IL2RA: variants seen among roughly 807,000 people sequenced by gnomAD.
IL2RA encodes interleukin 2 receptor subunit alpha, also known as interleukin-2 receptor subunit alpha.
Under a neutral mutation model 37.8 loss-of-function variants are expected in IL2RA, and 24 were observed. The observed-to-expected ratio is 0.63, with a 90% confidence interval of 0.46 to 0.89. The LOEUF (loss-of-function observed/expected upper bound fraction) is 0.89, where lower values mean the gene tolerates loss of function less well. Ranked by LOEUF, IL2RA falls within the 40% of genes least tolerant of loss-of-function variation. The pLI, the probability that IL2RA is intolerant of heterozygous loss-of-function variation, is 0.00. For synonymous variants in IL2RA, 125 were observed against 114.6 expected, an observed-to-expected ratio of 1.09 and a Z score of -0.58; for missense variants, 319 against 348.6, an observed-to-expected ratio of 0.92 and a Z score of 0.68.
At chr10:6,052,287 G>T (rs1472268314) in intron 1 of IL2RA, among the ~76,000 whole-genome samples, 1 of 152,068 alleles carries the variant, frequency 6.6e-6, no homozygotes, top group Non-Finnish European at 1.5e-5. Flanking sequence ...GATGTGCTGG[G>T]TTTTGCAGGG....
rs75103865 is a variant in IL2RA, at chr10:6,046,111, G to A, written c.64+15977C>T. On this transcript the variant is annotated intron_variant, in intron 1 of 7. Transcript: ENST00000379959. This position sits in a 1 kb window ranked among gnomAD's most constrained non-coding sequence, Gnocchi z 4.8. ...CTCTGCCCTGCTCCTCACCCATCTC[G>A]CAGGGGAACCTCTTGTACCCCTTTT... 1.2e-4 allele frequency among the ~76,000 whole-genome samples: 19 copies of A among 152,202 alleles called. No homozygotes were observed. The highest frequency in any genetic ancestry group is 1.6e-4 in the Non-Finnish European group (11 of 68,006).
Position 6,036,901 on chromosome 10 carries a change from C to T in IL2RA, c.65-10876G>A, listed in dbSNP as rs553557500. On this transcript the variant is annotated intron_variant, in intron 1 of 7. Transcript: ENST00000379959. The surrounding 1 kb of genome is among the most constrained non-coding windows in gnomAD (Gnocchi z 6.1). Reference sequence around the variant, plus strand: ...CGCAGCAGCGTGTGTGCAGAGCCCCCGGGATCTTGCAGACTGGGATTTGTC... The same window carrying T: ...CGCAGCAGCGTGTGTGCAGAGCCCCTGGGATCTTGCAGACTGGGATTTGTC... Among the ~76,000 whole-genome samples the T allele has an allele frequency of 3.9e-5, 6 of 152,232 alleles. No individual in the cohort carries two copies. The highest frequency in any genetic ancestry group is 4.8e-5 in the African/African-American group (2 of 41,522).
rs982967349 is a variant in IL2RA, at chr10:6,022,334, G to A, written c.368-641C>T. Among the ~76,000 whole-genome samples, 3 of 152,118 alleles carry A rather than the reference G, an allele frequency of 2.0e-5. No individual in the cohort carries two copies. Among genetic ancestry groups the A allele is most frequent in the African/African-American group, 7.2e-5 (3 of 41,414 alleles). On this transcript the variant is annotated intron_variant, in intron 3 of 7. Coordinates refer to ENST00000379959, the MANE Select transcript of IL2RA (RefSeq NM_000417.3). This position sits in a 1 kb window ranked among gnomAD's most constrained non-coding sequence, Gnocchi z 4.7. ...TGACACACATGCGCCCTTTCAAGAC[G>A]TCTCAAAATTTCCCATCCCCAGAAC...
At chr10:6,031,522 G>GTATA (rs57251959) in intron 1 of IL2RA, among the ~76,000 whole-genome samples, 2 of 67,104 alleles carry the variant, frequency 3.0e-5, no homozygotes, top group African/African-American at 1.0e-4. Context: ...GTATATATAT[G>GTATA]TATATATATA....
Position 6,062,140 on chromosome 10 carries a change from G to A in IL2RA, c.12C>T (p.Tyr4=), listed in dbSNP as rs906899147. The change falls in exon 1 of 8, where the codon TAC becomes TAT. Residue 4 remains tyrosine, a synonymous_variant. Transcript: ENST00000379959. MDS[Y]LLMWGLLTFI... ...ACGTGAGCAGTCCCCACATCAGCAG[G>A]TATGAATCCATCTTCCTGACCCTTG... The A allele has an allele frequency of 6.2e-7, 1 of 1,613,940 alleles. No individual in the cohort carries two copies. The highest frequency in any genetic ancestry group is 1.7e-5 in the Admixed American group (1 of 60,028).
At chr10:6,051,126 G>C (rs532181473) in intron 1 of IL2RA, among the ~76,000 whole-genome samples, 1 of 151,354 alleles carries the variant, frequency 6.6e-6, no homozygotes, top group Non-Finnish European at 1.5e-5. Context: ...CTTTACAAAA[G>C]TTCTTTTTGT....
In IL2RA at chr10:6,028,722, G is replaced by A. The variant is rs142234364; in HGVS notation, c.65-2697C>T. Among the ~76,000 whole-genome samples, 630 of 152,312 alleles carry A rather than the reference G, an allele frequency of 4.1e-3. 31 individuals are homozygous for A. The South Asian group carries it at 0.1, about 25-fold the overall frequency. ...AATAGAAACAGACCCGTAAAATTGGGTGTGGTGGCTCATGCCTGTAATCCC... is the reference window on the plus strand; with the variant it reads ...AATAGAAACAGACCCGTAAAATTGGATGTGGTGGCTCATGCCTGTAATCCC... On this transcript the variant is annotated intron_variant, in intron 1 of 7. Transcript: ENST00000379959. The surrounding 1 kb of genome is among the most constrained non-coding windows in gnomAD (Gnocchi z 4.1).
At chr10:6,049,540 C>A (rs1226852384) in intron 1 of IL2RA, among the ~76,000 whole-genome samples, 1 of 152,190 alleles carries the variant, frequency 6.6e-6, no homozygotes, top group African/African-American at 2.4e-5. Context: ...TTCCCTAATG[C>A]ATTTCTACCT....
At position 6,020,007 on chromosome 10, in the gene IL2RA, G is replaced by C; in HGVS notation, c.584-66C>G. ...GGAGTCAGGGCCTCACTCCCACCCC[G>C]CCTGCCCCAGGCAGCCGGCCCCAGA... On this transcript the variant is annotated intron_variant, in intron 4 of 7. Coordinates refer to ENST00000379959, the MANE Select transcript of IL2RA (RefSeq NM_000417.3). This position sits in a 1 kb window ranked among gnomAD's most constrained non-coding sequence, Gnocchi z 5.6. 1 of 1,396,180 alleles carries C rather than the reference G, an allele frequency of 7.2e-7. No individual in the cohort carries two copies. Among genetic ancestry groups the C allele is most frequent in the Non-Finnish European group, 1.0e-6 (1 of 982,816 alleles). The allele number at this position is 1,396,180 out of a possible 1,614,324, so 86.5% of individuals were successfully genotyped here.
intron 1 of IL2RA, among the ~76,000 whole-genome samples, chr10:6,059,984 T>A (rs1285199796): frequency 6.6e-6 from 1 of 152,132 alleles, no homozygotes; most frequent in Non-Finnish European, 1.5e-5. Context: ...GGATAGATGT[T>A]GAGAATGGCG....
chr10:6,024,328 T>C lies in IL2RA; in HGVS notation c.283A>G (p.Thr95Ala). The C allele has an allele frequency of 3.1e-6, 5 of 1,613,992 alleles. No individual in the cohort carries two copies. The highest frequency in any genetic ancestry group is 4.2e-6 in the Non-Finnish European group (5 of 1,179,828). The change falls in exon 3 of 8, where the codon ACA becomes GCA. Residue 95 changes from threonine (T) to alanine (A), a missense_variant. Transcript: ENST00000379959. ...TCTTTCTGTTCTTCAGGTTGAGGTG[T>C]CACTTGTTTCGTTGTGTTCCGAGTG... is the stretch of plus-strand genomic sequence containing the variant. Reference protein sequence around the residue: ...SATRNTTKQVTPQPEEQKERK... With the variant: ...SATRNTTKQVAPQPEEQKERK...
chr10:6,016,164 T>C (rs1274380057), intron 7 of IL2RA, among the ~76,000 whole-genome samples: 1 of 152,142 alleles, frequency 6.6e-6, no homozygotes, highest in Non-Finnish European at 1.5e-5. Context: ...GCCTCATGAA[T>C]GGATTAATGT....
At position 6,011,220 on chromosome 10, in the gene IL2RA, T is replaced by C. The variant is rs1003697602; in HGVS notation, c.*1652A>G. ...TGAGCTAGAATGTTGACTCAACTGATTCGTGAGGGGAGATCTTGCACCAGA... is the reference window on the plus strand; with the variant it reads ...TGAGCTAGAATGTTGACTCAACTGACTCGTGAGGGGAGATCTTGCACCAGA... On this transcript the variant is annotated 3_prime_UTR_variant, in exon 8 of 8. Transcript: ENST00000379959. This position sits in a 1 kb window ranked among gnomAD's most constrained non-coding sequence, Gnocchi z 5.2. 2.0e-5 allele frequency: 3 copies of C among 152,338 alleles called. No homozygotes were observed. Among genetic ancestry groups the C allele is most frequent in the African/African-American group, 7.2e-5 (3 of 41,444 alleles). 9.4% of individuals were successfully genotyped at this position (152,338 alleles called of 1,614,324 possible). A position where few individuals can be genotyped will look rare whatever the true frequency, so the allele number is the denominator to read the frequency against.
chr10:6,019,747 A>T lies in IL2RA; in HGVS notation c.655+123T>A. The T allele has an allele frequency of 3.2e-6, 3 of 937,370 alleles. No individual in the cohort carries two copies. In the South Asian group the frequency reaches 3.9e-5, roughly 12 times the overall value. 58.1% of individuals were successfully genotyped at this position (937,370 alleles called of 1,614,324 possible). On this transcript the variant is annotated intron_variant, in intron 5 of 7. Transcript: ENST00000379959. Reference sequence around the variant, plus strand: ...AGGCCCTGTCCCTGCTCAGAGGGAGAGGAGGCTGCTGTGGGCTTCTCCCCT... The same window carrying T: ...AGGCCCTGTCCCTGCTCAGAGGGAGTGGAGGCTGCTGTGGGCTTCTCCCCT...
At chr10:6,019,609 G>T in intron 5 of IL2RA, 110 bp from the exon 6 acceptor site, 1 of 872,328 alleles carries the variant, frequency 1.1e-6, no homozygotes, top group Non-Finnish European at 2.0e-6. Flanking sequence ...AGGCTGGTGG[G>T]AGACACGTGG....
chr10:6,016,654 C>A (rs983051087), intron 7 of IL2RA, among the ~76,000 whole-genome samples: 1 of 151,926 alleles, frequency 6.6e-6, no homozygotes, highest in African/African-American at 2.4e-5. Context: ...CTCACTGCAA[C>A]CTCCGCCTCC....
chr10:6,050,455 G>GGTCTCTACTAACCT (rs1408098976), intron 1 of IL2RA, among the ~76,000 whole-genome samples: 1 of 152,094 alleles, frequency 6.6e-6, no homozygotes, highest in African/African-American at 2.4e-5. Context: ...TGGCCAACAT[G>GGTCTCTACTAACCT]GTCTCTACTA....
chr10:6,034,419 A>G (rs758802054), intron 1 of IL2RA, among the ~76,000 whole-genome samples: 17 of 151,146 alleles, frequency 1.1e-4, no homozygotes, highest in Non-Finnish European at 1.6e-4. Context: ...GCTCTTTTTC[A>G]ATCTAATAGG....
intron 2 of IL2RA, among the ~76,000 whole-genome samples, chr10:6,024,841 C>A (rs1468372874): frequency 6.6e-6 from 1 of 152,250 alleles, no homozygotes; most frequent in Non-Finnish European, 1.5e-5. Context: ...GACAAGGAAA[C>A]TTCTAGAACA....
Sources: allele counts gnomAD v4.1 joint callset (sites outside exome capture counted in the v4.1 genomes callset), GRCh38; gene constraint gnomAD v4.1.1; non-coding constraint Gnocchi (gnomAD v3.1); transcripts MANE v1.5; gene names NCBI Gene and HGNC (gene_info 2026-07-23, HGNC 2026-07-21).